RGS7: variants seen among roughly 807,000 people sequenced by gnomAD.
RGS7 encodes regulator of G protein signaling 7, also known as regulator of G-protein signaling 7.
RGS7 carries 27 observed loss-of-function variants against 81.1 expected under a neutral mutation model. The ratio of observed to expected loss-of-function variants is 0.33; its 90% confidence interval spans 0.25 to 0.46. The LOEUF (loss-of-function observed/expected upper bound fraction) is 0.46, where lower values mean the gene tolerates loss of function less well. RGS7 is among the 20% of genes least tolerant of loss of function. The pLI is 1.00. For synonymous variants in RGS7, 208 were observed against 207.7 expected, an observed-to-expected ratio of 1.00 and a Z score of -0.01; for missense variants, 396 against 607.4, an observed-to-expected ratio of 0.65 and a Z score of 3.66.
At chr1:241,018,584 C>G (rs867757244) in intron 3 of RGS7, among the ~76,000 whole-genome samples, 1 of 151,906 alleles carries the variant, frequency 6.6e-6, no homozygotes, top group African/African-American at 2.4e-5. Flanking sequence ...ATGTGTCTTG[C>G]AGGTCTTTCA....
At chr1:240,959,592 T>C (rs543016619) in intron 4 of RGS7, among the ~76,000 whole-genome samples, 10 of 152,228 alleles carry the variant, frequency 6.6e-5, no homozygotes, top group Non-Finnish European at 1.3e-4. Context: ...TTGTCATACA[T>C]GCTGTCCTTT....
intron 2 of RGS7, among the ~76,000 whole-genome samples, chr1:241,322,650 C>A (rs1006769308): frequency 6.6e-6 from 1 of 152,182 alleles, no homozygotes. Context: ...GATGCTAAGC[C>A]ACCCCTCAGA....
At chr1:241,310,399 G>C (rs2080442747) in intron 2 of RGS7, among the ~76,000 whole-genome samples, 2 of 150,804 alleles carry the variant, frequency 1.3e-5, no homozygotes, top group African/African-American at 4.9e-5. Flanking sequence ...GTGTGAGTGT[G>C]TTTGTGTGTC....
chr1:241,192,257 G>A (rs1206557264), intron 2 of RGS7, among the ~76,000 whole-genome samples: 52 of 53,090 alleles, frequency 9.8e-4, no homozygotes, highest in Admixed American at 2.8e-3. Context: ...CTGCACGTGT[G>A]TGTGTGTGTG....
intron 6 of RGS7, among the ~76,000 whole-genome samples, chr1:240,879,515 T>C (rs562248473): frequency 6.6e-6 from 1 of 152,218 alleles, no homozygotes; most frequent in South Asian, 2.1e-4. Flanking sequence ...GTATTCCTTT[T>C]CTCAAGTCTT....
chr1:241,101,388 C>A (rs769788629), intron 2 of RGS7, among the ~76,000 whole-genome samples: 1 of 152,040 alleles, frequency 6.6e-6, no homozygotes, highest in East Asian at 1.9e-4. Context: ...CCCAGCTACT[C>A]GGGAGGCTGA....
At chr1:241,189,827 T>C (rs1263790131) in intron 2 of RGS7, among the ~76,000 whole-genome samples, 4 of 152,122 alleles carry the variant, frequency 2.6e-5, no homozygotes, top group African/African-American at 4.8e-5. Context: ...AAAAAATCAA[T>C]TGGTCAGGCT....
At chr1:241,090,981 G>A (rs184709076) in intron 3 of RGS7, among the ~76,000 whole-genome samples, 135 of 152,288 alleles carry the variant, frequency 8.9e-4, no homozygotes, top group African/African-American at 3.1e-3. Context: ...GACAACTAAC[G>A]TGGGGTTACC....
intron 6 of RGS7, among the ~76,000 whole-genome samples, chr1:240,905,274 G>A (rs1306348890): frequency 6.6e-6 from 1 of 152,068 alleles, no homozygotes; most frequent in Non-Finnish European, 1.5e-5. Context: ...TTTCTTACCC[G>A]TCTGCCTTGT....
At chr1:240,778,595 A>C (rs1683392967) in intron 18 of RGS7, among the ~76,000 whole-genome samples, 1 of 152,146 alleles carries the variant, frequency 6.6e-6, no homozygotes, top group African/African-American at 2.4e-5. Context: ...TGCAGTGGCG[A>C]AATCTCGGCT....
At chr1:240,916,524 C>T (rs1263912519) in intron 6 of RGS7, among the ~76,000 whole-genome samples, 1 of 152,130 alleles carries the variant, frequency 6.6e-6, no homozygotes, top group Admixed American at 6.5e-5. Flanking sequence ...AGCCCTAACT[C>T]CCAGTAACCT....
intron 6 of RGS7, among the ~76,000 whole-genome samples, chr1:240,913,304 T>C (rs112407150): frequency 0.013 from 2,030 of 152,314 alleles, 39 homozygotes; most frequent in African/African-American, 0.044. Flanking sequence ...TATACATGCA[T>C]ACCTACATGT....
At chr1:240,837,415 G>A (rs1480713785) in intron 9 of RGS7, among the ~76,000 whole-genome samples, 1 of 152,214 alleles carries the variant, frequency 6.6e-6, no homozygotes, top group Admixed American at 6.5e-5. Context: ...CTGAACATGT[G>A]TGCTCCAACT....
chr1:240,784,294 G>C (rs1684662724), intron 18 of RGS7, among the ~76,000 whole-genome samples: 1 of 152,048 alleles, frequency 6.6e-6, no homozygotes, highest in African/African-American at 2.4e-5. Flanking sequence ...ATTTTTAAAG[G>C]GTGGCTATGA....
At chr1:241,138,765 T>G (rs1572856657) in intron 2 of RGS7, among the ~76,000 whole-genome samples, 1 of 152,262 alleles carries the variant, frequency 6.6e-6, no homozygotes, top group Non-Finnish European at 1.5e-5. Flanking sequence ...ATTTCCATTT[T>G]TTGCTATCTT....
intron 2 of RGS7, among the ~76,000 whole-genome samples, chr1:241,340,900 C>G (rs563022175): frequency 6.6e-6 from 1 of 152,206 alleles, no homozygotes; most frequent in South Asian, 2.1e-4. Context: ...ACAAAGAAAA[C>G]AAAAGGCAAA....
rs544516572 is a variant in RGS7, at chr1:240,933,172, G to A, written c.334-2404C>T. Among the ~76,000 whole-genome samples, 28 of 151,778 alleles carry A rather than the reference G, an allele frequency of 1.8e-4. 1 individual carries two copies. The highest frequency in any genetic ancestry group is 3.1e-4 in the African/African-American group (13 of 41,426). ...GCTGGGATTACAGGTGTGAGCCACC[G>A]CGCCCGGCCGGTGTTACTTTCTGAG... On this transcript the variant is annotated intron_variant, in intron 5 of 18. Coordinates refer to ENST00000440928, the MANE Select transcript of RGS7 (RefSeq NM_001364886.1).
chr1:241,321,075 A>G (rs1377038073), intron 2 of RGS7, among the ~76,000 whole-genome samples: 1 of 152,234 alleles, frequency 6.6e-6, no homozygotes, highest in Non-Finnish European at 1.5e-5. Flanking sequence ...TAGAATTGGA[A>G]AAGATAATTT....
chr1:241,131,415 T>C (rs1011371831), intron 2 of RGS7, among the ~76,000 whole-genome samples: 1 of 152,128 alleles, frequency 6.6e-6, no homozygotes, highest in South Asian at 2.1e-4. Context: ...ACTTCCAGAG[T>C]TGCCAAGTCA....
Sources: allele counts gnomAD v4.1 joint callset (sites outside exome capture counted in the v4.1 genomes callset), GRCh38; gene constraint gnomAD v4.1.1; transcripts MANE v1.5; gene names NCBI Gene and HGNC (gene_info 2026-07-23, HGNC 2026-07-21).